PFKP: variants seen among roughly 807,000 people sequenced by gnomAD.
PFKP encodes phosphofructokinase, platelet.
Under a neutral mutation model 94.3 loss-of-function variants are expected in PFKP, and 101 were observed. The observed-to-expected ratio is 1.07, with a 90% CI of 0.91 to 1.26. The LOEUF is 1.26. PFKP is among the 50% of genes most tolerant of loss of function. PFKP has a pLI of 0.00. For synonymous variants in PFKP, 573 were observed against 432.6 expected (o/e 1.32, Z -4.03); for missense variants, 1,145 against 1,103.3 (o/e 1.04, Z -0.53).
intron 16 of PFKP, among the ~76,000 whole-genome samples, chr10:3,120,372 TGTGTGTGTGTGTGTG>T (rs1837288331): frequency 7.9e-6 from 1 of 125,840 alleles, no homozygotes; most frequent in African/African-American, 3.1e-5. Flanking sequence ...AAAATCGCTG[TGTGTGTGTGTGTGTG>T]TGTGTGTGTG....
chr10:3,113,415 C>T lies in PFKP; in HGVS notation c.1268C>T (p.Ala423Val). The change falls in exon 13 of 22, where the codon GCT (alanine) becomes GTT (valine). Residue 423 changes from alanine (A) to valine (V), a missense_variant. Transcript: ENST00000381125. ...VAVINVGAPAAGMNAAVRSAV... is the reference protein window; with the variant it reads ...VAVINVGAPAVGMNAAVRSAV... ...GTCATCAACGTGGGGGCACCCGCGG[C>T]TGGGATGAACGCAGCCGTACGCTCA... 1 of 1,601,612 alleles carries T rather than the reference C, an allele frequency of 6.2e-7. No individual in the cohort carries two copies. Among genetic ancestry groups the T allele is most frequent in the Non-Finnish European group, 8.5e-7 (1 of 1,172,248 alleles).
Position 3,075,235 on chromosome 10 carries a change from G to A in PFKP, c.113-7153G>A, listed in dbSNP as rs539756353. 5.8e-4 allele frequency among the ~76,000 whole-genome samples: 88 copies of A among 151,808 alleles called. 2 individuals are homozygous for A. The South Asian group carries it at 8.6e-3, about 15-fold the overall frequency. ...ACCTTCCAGCCTGGGCGTTAGGGCCGTTATGAACGTGTCACAGTGCTGCAG... is the reference window on the plus strand; with the variant it reads ...ACCTTCCAGCCTGGGCGTTAGGGCCATTATGAACGTGTCACAGTGCTGCAG... On this transcript the variant is annotated intron_variant, in intron 1 of 21. Coordinates refer to ENST00000381125, the MANE Select transcript of PFKP (RefSeq NM_002627.5).
intron 1 of PFKP, chr10:3,069,257 C>T (rs1413103622): frequency 6.8e-7 from 1 of 1,463,416 alleles, no homozygotes; most frequent in African/African-American, 1.4e-5. Context: ...ACCCCAGCAT[C>T]AACGTTCTTC....
chr10:3,103,786 C>T lies in PFKP; in HGVS notation c.462C>T (p.Ile154=), dbSNP rs148155144. ...LLEELARNGQ[I]DKEAVQKYAY... is the part of the protein sequence containing the mutation. The stretch of plus-strand genomic sequence containing the variant: ...TGTTTGCTCCCCGCGCAGGCCAGAT[C>T]GATAAGGAGGCCGTGCAGAAGTACG... Residue 154 remains isoleucine, a synonymous_variant, in exon 5 of 22, where the codon ATC becomes ATT. Coordinates refer to ENST00000381125, the MANE Select transcript of PFKP (RefSeq NM_002627.5). 1.0e-3 allele frequency: 1,614 copies of T among 1,613,876 alleles called. 18 individuals are homozygous for T. The Middle Eastern group carries it at 0.01, about 10-fold the overall frequency.
Position 3,111,161 on chromosome 10 carries a change from T to C in PFKP, c.1090-1061T>C, listed in dbSNP as rs561271009. Among the ~76,000 whole-genome samples the C allele has an allele frequency of 7.2e-5, 11 of 152,280 alleles. No homozygotes were observed. The South Asian group carries it at 2.1e-3, about 29-fold the overall frequency. On this transcript the variant is annotated intron_variant, in intron 10 of 21. Coordinates refer to ENST00000381125, the MANE Select transcript of PFKP (RefSeq NM_002627.5). ...GTGCATGTCTGTGTGTGCATGTGTT[T>C]ATATGGATGTGTGTGTATGTTTGTG...
At chr10:3,115,408 AGGTGTGTGTCCCGCC>A (rs1836712876) in intron 13 of PFKP, among the ~76,000 whole-genome samples, 2 of 115,104 alleles carry the variant, frequency 1.7e-5, no homozygotes, top group African/African-American at 3.1e-5. Flanking sequence ...GCCGGGGTGA[AGGTGTGTGTCCCGCC>A]ATGGAGGACA....
At chr10:3,126,869 G>A (rs1297448861) in intron 16 of PFKP, among the ~76,000 whole-genome samples, 1 of 152,260 alleles carries the variant, frequency 6.6e-6, no homozygotes, top group Non-Finnish European at 1.5e-5. Context: ...TGCAGGGGGT[G>A]GCGTCTGCTG....
intron 1 of PFKP, among the ~76,000 whole-genome samples, chr10:3,070,611 C>T (rs759880188): frequency 3.3e-5 from 5 of 152,138 alleles, no homozygotes; most frequent in Non-Finnish European, 4.4e-5. Context: ...CCAAGAGAGG[C>T]GTGTCCTCAT....
At chr10:3,084,125 T>C (rs769252126) in intron 2 of PFKP, among the ~76,000 whole-genome samples, 1 of 152,250 alleles carries the variant, frequency 6.6e-6, no homozygotes, top group African/African-American at 2.4e-5. Context: ...TTGTATTATT[T>C]AATACCTTGG....
intron 4 of PFKP, among the ~76,000 whole-genome samples, chr10:3,102,237 C>T (rs1376808759): frequency 4.5e-3 from 339 of 75,554 alleles, no homozygotes; most frequent in Middle Eastern, 0.029. Flanking sequence ...GGCGACAGAG[C>T]GAGACTCTGT....
chr10:3,098,786 G>A (rs1464468449), intron 2 of PFKP, among the ~76,000 whole-genome samples: 3 of 151,980 alleles, frequency 2.0e-5, no homozygotes, highest in East Asian at 1.9e-4. Flanking sequence ...GGGTAAGGCA[G>A]ACAATTATTA....
At chr10:3,093,810 A>AT (rs1235927747) in intron 2 of PFKP, among the ~76,000 whole-genome samples, 15 of 151,824 alleles carry the variant, frequency 9.9e-5, no homozygotes, top group African/African-American at 3.4e-4. Flanking sequence ...CACCCGGCTA[A>AT]TTTTTTGTAT....
chr10:3,105,333 G>A (rs1219282874), intron 6 of PFKP, 60 bp from the exon 7 acceptor site: 2 of 1,455,228 alleles, frequency 1.4e-6, no homozygotes, highest in Non-Finnish European at 1.9e-6. Flanking sequence ...CGGGGTGCCT[G>A]GGCTGCCCTC....
intron 16 of PFKP, among the ~76,000 whole-genome samples, 175 bp downstream of exon 16, chr10:3,120,219 C>G (rs1362984989): frequency 6.6e-6 from 1 of 152,142 alleles, no homozygotes; most frequent in Non-Finnish European, 1.5e-5. Context: ...AATTTTTGAT[C>G]TCACTCCCAG....
chr10:3,119,779 C>A, intron 15 of PFKP, 113 bp from the exon 16 acceptor site: 3 of 551,338 alleles, frequency 5.4e-6, no homozygotes, highest in South Asian at 5.3e-5. Context: ...TTCGTGATGC[C>A]CCAGTGTGCT....
intron 8 of PFKP, 117 bp downstream of exon 8, chr10:3,107,426 T>A: frequency 1.5e-6 from 1 of 652,704 alleles, no homozygotes; most frequent in Non-Finnish European, 2.7e-6. Context: ...CCTTGATATT[T>A]AAAACATTTT....
chr10:3,107,693 C>T (rs919095288), intron 8 of PFKP: 25 of 963,338 alleles, frequency 2.6e-5, no homozygotes, highest in African/African-American at 3.5e-5. Flanking sequence ...GAAAAGGCGG[C>T]GTCTTGCTAT....
intron 2 of PFKP, among the ~76,000 whole-genome samples, chr10:3,086,441 G>A (rs1177166559): frequency 3.9e-5 from 6 of 152,232 alleles, no homozygotes; most frequent in African/African-American, 1.4e-4. Context: ...CCTCTAGCCG[G>A]GAGTAGGGAG....
chr10:3,103,427 A>T (rs1276642205), intron 4 of PFKP, among the ~76,000 whole-genome samples: 3 of 152,174 alleles, frequency 2.0e-5, no homozygotes, highest in Non-Finnish European at 4.4e-5. Flanking sequence ...CAGAAGGACC[A>T]CTTGAGCCCA....
Sources: gnomAD v4.1 joint callset for allele counts (sites outside exome capture counted in the v4.1 genomes callset) on GRCh38, gnomAD v4.1.1 for gene constraint, MANE v1.5 for transcripts, NCBI Gene and HGNC (gene_info 2026-07-23, HGNC 2026-07-21) for gene names.